The following GIGYF2 variants were observed in gnomAD, a reference collection of about 807,000 sequenced individuals.
GIGYF2 encodes GRB10-interacting GYF protein 2.
In GIGYF2, 25 loss-of-function variants were observed where a neutral mutation model predicts 208.1. The observed-to-expected ratio is 0.12, with a 90% CI of 0.09 to 0.17. The LOEUF (loss-of-function observed/expected upper bound fraction) is 0.17, where lower values mean the gene tolerates loss of function less well. Among genes scored for constraint, GIGYF2 ranks in the 10% least tolerant of loss-of-function variants. GIGYF2 has a pLI of 1.00. For missense variants in GIGYF2, 1,302 were observed against 1,579.4 expected (o/e 0.82, Z 2.98); for synonymous variants, 534 against 543.8 (o/e 0.98, Z 0.25).
intron 13 of GIGYF2, 79 bp downstream of exon 13, chr2:232,795,023 T>C: frequency 9.3e-7 from 1 of 1,078,130 alleles, no homozygotes; most frequent in Non-Finnish European, 1.4e-6. Context: ...TATTCAAACA[T>C]AAAACTTTTG....
intron 2 of GIGYF2, among the ~76,000 whole-genome samples, chr2:232,730,704 C>T (rs1158153755): frequency 6.7e-6 from 1 of 149,044 alleles, no homozygotes; most frequent in East Asian, 2.0e-4. Context: ...CGAGACCATC[C>T]CGGCTAAAAT....
chr2:232,800,037 A>T (rs1700348383), intron 14 of GIGYF2, among the ~76,000 whole-genome samples: 2 of 148,434 alleles, frequency 1.3e-5, no homozygotes. Context: ...CCCTTATAAG[A>T]TATATGATTT....
intron 4 of GIGYF2, 44 bp from the exon 5 acceptor site, chr2:232,748,943 G>T (rs1358304599): frequency 1.2e-6 from 1 of 862,506 alleles, no homozygotes; most frequent in East Asian, 2.4e-5. Flanking sequence ...TCTTCTTATT[G>T]CAGAAATAGC....
intron 8 of GIGYF2, among the ~76,000 whole-genome samples, chr2:232,778,126 G>A (rs1457254851): frequency 1.3e-5 from 2 of 151,850 alleles, no homozygotes; most frequent in African/African-American, 2.4e-5. Flanking sequence ...TGTAGAGGCA[G>A]GGTCTTGCTG....
At chr2:232,713,409 A>G (rs1444707830) in intron 2 of GIGYF2, among the ~76,000 whole-genome samples, 2 of 152,100 alleles carry the variant, frequency 1.3e-5, no homozygotes, top group African/African-American at 4.8e-5. Flanking sequence ...TTTTTCTTTA[A>G]TAATAGGCTT....
At chr2:232,770,184 C>T (rs957494912) in intron 8 of GIGYF2, among the ~76,000 whole-genome samples, 1 of 152,192 alleles carries the variant, frequency 6.6e-6, no homozygotes, top group African/African-American at 2.4e-5. Context: ...GATCATTCTT[C>T]ATACGGCCCA....
At chr2:232,700,237 A>G (rs1472104087) in intron 1 of GIGYF2, among the ~76,000 whole-genome samples, 1 of 152,142 alleles carries the variant, frequency 6.6e-6, no homozygotes, top group African/African-American at 2.4e-5. Context: ...TGTTTTAACT[A>G]ATTGCCTTTC....
chr2:232,823,955 A>AT (rs1193684194), intron 21 of GIGYF2, among the ~76,000 whole-genome samples: 5 of 151,816 alleles, frequency 3.3e-5, no homozygotes, highest in African/African-American at 4.8e-5. Context: ...AATGTTTCAG[A>AT]TTTTTTTTAC....
At position 232,735,305 on chromosome 2, in the gene GIGYF2, G is replaced by A. The variant is rs1487210094; in HGVS notation, c.41+67G>A. On this transcript the variant is annotated intron_variant, in intron 3 of 28. Transcript: ENST00000373563. ...AATACAGTAGTAAAGTATTTGACAGGTGCTAGGTGGTTTATAAATGTGCAT... is the reference window on the plus strand; with the variant it reads ...AATACAGTAGTAAAGTATTTGACAGATGCTAGGTGGTTTATAAATGTGCAT... The A allele has an allele frequency of 2.8e-5, 31 of 1,106,080 alleles. No individual in the cohort carries two copies. In the Middle Eastern group the frequency reaches 8.0e-4, roughly 28 times the overall value. The allele number at this position is 1,106,080 out of a possible 1,614,324, so 68.5% of individuals were successfully genotyped here. A position where few individuals can be genotyped will look rare whatever the true frequency, so the allele number is the denominator to read the frequency against.
chr2:232,832,805 TC>T (rs1701463065), intron 21 of GIGYF2, 51 bp from the exon 22 acceptor site: 1 of 1,341,522 alleles, frequency 7.5e-7, no homozygotes. Context: ...GTCAGATTTT[TC>T]CCCCCACAAT....
At chr2:232,810,901 A>T in intron 16 of GIGYF2, 1 of 254,328 alleles carries the variant, frequency 3.9e-6, no homozygotes. Context: ...TTCATTTTTC[A>T]TTTGATTTCT....
At chr2:232,735,092 T>G in intron 2 of GIGYF2, 63 bp from the exon 3 acceptor site, 3 of 778,432 alleles carry the variant, frequency 3.9e-6, no homozygotes, top group Non-Finnish European at 6.8e-6. Flanking sequence ...AACTGTACTT[T>G]CTGGCCTGGA....
rs1023322079 is a variant in GIGYF2 at position 232,858,697 on chromosome 2, A to G, written c.*1837A>G. On this transcript the variant is annotated 3_prime_UTR_variant, in exon 29 of 29. Transcript: ENST00000373563. ...GCACTAAACTGTTCCTCTTGGTACC[A>G]TGGAAAAGCTCCAAGCACCCAAGAC... 4 of 367,378 alleles carry G rather than the reference A, an allele frequency of 1.1e-5. No homozygotes were observed. Among genetic ancestry groups the G allele is most frequent in the African/African-American group, 4.3e-5 (2 of 46,896 alleles). 22.8% of individuals were successfully genotyped at this position (367,378 alleles called of 1,614,324 possible). A position where few individuals can be genotyped will look rare whatever the true frequency, so the allele number is the denominator to read the frequency against.
intron 21 of GIGYF2, among the ~76,000 whole-genome samples, chr2:232,827,467 A>G (rs768298186): frequency 2.0e-5 from 3 of 152,160 alleles, no homozygotes; most frequent in Non-Finnish European, 4.4e-5. Flanking sequence ...TTATGTGGCT[A>G]ATCGGGTTGT....
chr2:232,816,949 A>C lies in GIGYF2; in HGVS notation c.2287A>C (p.Arg763=), dbSNP rs1700933198. Residue 763 remains arginine (R), a synonymous_variant, in exon 20 of 29, where the codon AGA becomes CGA. Coordinates refer to ENST00000373563, the MANE Select transcript of GIGYF2 (RefSeq NM_001103146.3). ...EERKRQEELR[R]QQEEILRRQQ... ...GCGAAAGAGGCAGGAAGAACTCCGA[A>C]GACAACAGGAGGAAATTCTTCGGCG... is the stretch of plus-strand genomic sequence containing the variant. The C allele has an allele frequency of 1.9e-6, 3 of 1,612,364 alleles. No homozygotes were observed.
In GIGYF2 at chr2:232,768,361, G is replaced by A. The variant is rs1699065038; in HGVS notation, c.532+6925G>A. 6 of 1,614,084 alleles carry A rather than the reference G, an allele frequency of 3.7e-6. No homozygotes were observed. Among genetic ancestry groups the A allele is most frequent in the Non-Finnish European group, 3.4e-6 (4 of 1,180,008 alleles). On this transcript the variant is annotated intron_variant, in intron 8 of 28. Transcript: ENST00000373563. ...ATTTGATATTCACCTTTGGAACCTC[G>A]GGTCAACAGAGATGCAAAACAGTGA...
chr2:232,836,331 C>T (rs2344616), intron 22 of GIGYF2, among the ~76,000 whole-genome samples: 4,572 of 14,434 alleles, frequency 0.32, 854 homozygotes, highest in Non-Finnish European at 0.43. Context: ...TATATATATA[C>T]ATATATATAC....
chr2:232,804,092 ATCT>A (rs2106377671), intron 14 of GIGYF2, among the ~76,000 whole-genome samples: 1 of 152,234 alleles, frequency 6.6e-6, no homozygotes, highest in South Asian at 2.1e-4. Context: ...TCCCAGTTTA[ATCT>A]TCTTTTAAAA....
Position 232,810,808 on chromosome 2 carries a change from G to A in GIGYF2, c.1899-436G>A, listed in dbSNP as rs1161234554. 15 of 191,136 alleles carry A rather than the reference G, an allele frequency of 7.8e-5. No individual in the cohort carries two copies. In the East Asian group the frequency reaches 1.5e-3, roughly 19 times the overall value. The allele number at this position is 191,136 out of a possible 1,614,324, so 11.8% of individuals were successfully genotyped here. On this transcript the variant is annotated intron_variant, in intron 16 of 28. Transcript: ENST00000373563. ...ACCTAAATTTTTCCAAGTTGAAGAC[G>A]ATCAATGTATGAATTTTTATAGAAG... is the stretch of plus-strand genomic sequence containing the variant.
Sources: gnomAD v4.1 joint callset for allele counts (sites outside exome capture counted in the v4.1 genomes callset) on GRCh38, gnomAD v4.1.1 for gene constraint, MANE v1.5 for transcripts, NCBI Gene and HGNC (gene_info 2026-07-23, HGNC 2026-07-21) for gene names.